Variants in GLI3 observed in about 807,000 individuals in gnomAD.
GLI3 encodes GLI family zinc finger 3.
GLI3 carries 20 observed loss-of-function variants against 100.8 expected under a neutral mutation model. The ratio of observed to expected loss-of-function variants is 0.20; its 90% confidence interval spans 0.14 to 0.29. GLI3 has a LOEUF of 0.29. GLI3 is among the 10% of genes least tolerant of loss of function. The probability of loss-of-function intolerance (pLI) is 1.00; values close to 1 mark genes in which losing one functional copy is unlikely to be tolerated. For synonymous variants in GLI3, 938 were observed against 860.5 expected, an observed-to-expected ratio of 1.09 and a Z score of -1.58; for missense variants, 2,040 against 2,128.5, an observed-to-expected ratio of 0.96 and a Z score of 0.82.
At chr7:42,179,860 A>C (rs968472296) in intron 2 of GLI3, among the ~76,000 whole-genome samples, 15 of 152,178 alleles carry the variant, frequency 9.9e-5, no homozygotes, top group Non-Finnish European at 2.1e-4. Flanking sequence ...AAGTGGGTGG[A>C]GAGTAGCTCA....
At chr7:42,167,903 T>C (rs558277210) in intron 2 of GLI3, among the ~76,000 whole-genome samples, 1 of 152,330 alleles carries the variant, frequency 6.6e-6, no homozygotes, top group South Asian at 2.1e-4. Flanking sequence ...AGGATCCAGA[T>C]TTGGTACATC....
chr7:42,251,786 G>C (rs921664708), intron 1 of GLI3, among the ~76,000 whole-genome samples: 1 of 152,068 alleles, frequency 6.6e-6, no homozygotes, highest in Admixed American at 6.6e-5. Flanking sequence ...GGCAAAACTA[G>C]AATTCAAATC....
At chr7:42,241,453 G>C (rs1028507404), upstream of GLI3, among the ~76,000 whole-genome samples, 5 of 152,152 alleles carry the variant, frequency 3.3e-5, no homozygotes, top group Non-Finnish European at 5.9e-5. Context: ...AAGTACTAGG[G>C]AACAAAGGTA....
At chr7:42,113,786 C>T (rs1785776897) in intron 3 of GLI3, among the ~76,000 whole-genome samples, 1 of 152,132 alleles carries the variant, frequency 6.6e-6, no homozygotes, top group Non-Finnish European at 1.5e-5. Context: ...GATATATGTC[C>T]CTAATAGAAT....
At chr7:41,977,289 C>T (rs1401666934) in intron 12 of GLI3, among the ~76,000 whole-genome samples, 1 of 152,114 alleles carries the variant, frequency 6.6e-6, no homozygotes, top group Non-Finnish European at 1.5e-5. Flanking sequence ...ACTGTTTGAC[C>T]AGTAGGTGGC....
chr7:42,128,284 C>A (rs1310946906), intron 3 of GLI3, among the ~76,000 whole-genome samples: 1 of 152,024 alleles, frequency 6.6e-6, no homozygotes, highest in Non-Finnish European at 1.5e-5. Flanking sequence ...ATTTAAATTT[C>A]TATCAACCTA....
chr7:42,142,060 G>T (rs978260838), intron 3 of GLI3, among the ~76,000 whole-genome samples: 1 of 152,162 alleles, frequency 6.6e-6, no homozygotes, highest in African/African-American at 2.4e-5. Flanking sequence ...CACCAGGTAG[G>T]GGCAACACAA....
intron 2 of GLI3, among the ~76,000 whole-genome samples, chr7:42,182,706 A>C (rs900457591): frequency 2.0e-5 from 2 of 100,928 alleles, no homozygotes; most frequent in Non-Finnish European, 3.8e-5. Context: ...ATATATATAC[A>C]CACATATAAA....
At chr7:41,976,955 C>A (rs1380560722) in intron 12 of GLI3, among the ~76,000 whole-genome samples, 1 of 152,198 alleles carries the variant, frequency 6.6e-6, no homozygotes, top group Non-Finnish European at 1.5e-5. Flanking sequence ...CACCCTGAAG[C>A]TTTACTCAAT....
chr7:42,039,521 A>T (rs146606175), intron 7 of GLI3, among the ~76,000 whole-genome samples: 3 of 152,196 alleles, frequency 2.0e-5, no homozygotes, highest in Non-Finnish European at 4.4e-5. Flanking sequence ...ATTTCCTCTG[A>T]TATCTATGCT....
Position 42,013,663 on chromosome 7 carries a change from C to T in GLI3, c.1497+9805G>A, listed in dbSNP as rs553759952. Among the ~76,000 whole-genome samples the T allele has an allele frequency of 2.0e-4, 30 of 152,188 alleles. No individual in the cohort carries two copies. The South Asian group carries it at 5.8e-3, about 30-fold the overall frequency. On this transcript the variant is annotated intron_variant, in intron 10 of 14. Coordinates refer to ENST00000395925, the MANE Select transcript of GLI3 (RefSeq NM_000168.6). ...GCTGGGATTATAGGCATGTGCCACT[C>T]GCTTGGCCTGGCACATCTTATTTTG...
intron 2 of GLI3, among the ~76,000 whole-genome samples, chr7:42,156,313 C>T (rs576510284): frequency 6.6e-6 from 1 of 152,134 alleles, no homozygotes; most frequent in Non-Finnish European, 1.5e-5. Context: ...CTATTAGTTG[C>T]CAGTCGCTGC....
At chr7:42,259,258 A>T (rs1380473598) in intron 1 of GLI3, among the ~76,000 whole-genome samples, 3 of 152,238 alleles carry the variant, frequency 2.0e-5, no homozygotes. Flanking sequence ...TAAAATAAAG[A>T]AGGCAGTTCA....
chr7:42,206,400 T>C (rs1369414274), intron 2 of GLI3, among the ~76,000 whole-genome samples: 1 of 152,132 alleles, frequency 6.6e-6, no homozygotes, highest in Admixed American at 6.5e-5. Context: ...TACATGTTAA[T>C]ATTTTGTTAC....
At position 42,056,890 on chromosome 7, in the gene GLI3, C is replaced by G. The variant is rs189264028; in HGVS notation, c.474-8194G>C. On this transcript the variant is annotated intron_variant, in intron 4 of 14. Transcript: ENST00000395925. ...CCAGCTACTTGCAAGGCTGAGGCTG[C>G]AGAATCGCTTGAACCCAGGAGGCGG... Among the ~76,000 whole-genome samples the G allele has an allele frequency of 1.4e-3, 206 of 151,116 alleles. 1 individual carries two copies. Among genetic ancestry groups the G allele is most frequent in the Admixed American group, 3.6e-3 (54 of 15,154 alleles).
At chr7:42,036,161 T>TA (rs1789431932) in intron 7 of GLI3, among the ~76,000 whole-genome samples, 1 of 152,196 alleles carries the variant, frequency 6.6e-6, no homozygotes, top group Non-Finnish European at 1.5e-5. Flanking sequence ...CACACAAACT[T>TA]AAAATAGACA....
intron 4 of GLI3, among the ~76,000 whole-genome samples, chr7:42,062,882 T>A (rs1562710305): frequency 1.3e-5 from 2 of 152,178 alleles, no homozygotes; most frequent in Non-Finnish European, 2.9e-5. Flanking sequence ...GTGACTCTCC[T>A]CAATTTACAC....
chr7:42,130,052 A>G (rs1000368084), intron 3 of GLI3, among the ~76,000 whole-genome samples: 4 of 152,122 alleles, frequency 2.6e-5, no homozygotes, highest in African/African-American at 9.7e-5. Flanking sequence ...ACTCACCACA[A>G]GAGTCACACC....
intron 2 of GLI3, among the ~76,000 whole-genome samples, chr7:42,195,764 A>AT (rs1019083634): frequency 6.6e-6 from 1 of 152,216 alleles, no homozygotes; most frequent in African/African-American, 2.4e-5. Context: ...GTATTGGCAC[A>AT]TAGGACATAC....
Sources: gnomAD v4.1 joint callset for allele counts (sites outside exome capture counted in the v4.1 genomes callset) on GRCh38, gnomAD v4.1.1 for gene constraint, MANE v1.5 for transcripts, NCBI Gene and HGNC (gene_info 2026-07-23, HGNC 2026-07-21) for gene names.